The following SYNE2 variants were observed in gnomAD, a reference collection of about 807,000 sequenced individuals.
SYNE2 encodes nesprin-2.
In SYNE2, 431 loss-of-function variants were observed where a neutral mutation model predicts 856.3. The observed-to-expected ratio is 0.50, with a 90% confidence interval of 0.47 to 0.55. The LOEUF is 0.55. Among genes scored for constraint, SYNE2 ranks in the 20% least tolerant of loss-of-function variants. SYNE2 has a pLI of 0.00. For missense variants in SYNE2, 8,129 were observed against 8,023.2 expected, an observed-to-expected ratio of 1.01 and a Z score of -0.50; for synonymous variants, 2,923 against 2,872.3, an observed-to-expected ratio of 1.02 and a Z score of -0.56.
intron 1 of SYNE2, among the ~76,000 whole-genome samples, chr14:63,777,227 A>C (rs927090442): frequency 6.6e-6 from 1 of 152,240 alleles, no homozygotes; most frequent in Non-Finnish European, 1.5e-5. Context: ...GCTATGACAG[A>C]ATACTTTGTT....
rs554027219 is a variant in SYNE2 at position 63,901,956 on chromosome 14, C to T, written c.-51-7142C>T. Among the ~76,000 whole-genome samples the T allele has an allele frequency of 4.6e-5, 7 of 151,834 alleles. No homozygotes were observed. The South Asian group carries it at 1.5e-3, about 32-fold the overall frequency. On this transcript the variant is annotated intron_variant, in intron 1 of 115. Coordinates refer to ENST00000555002, the MANE Select transcript of SYNE2 (RefSeq NM_182914.3). The stretch of plus-strand genomic sequence containing the variant: ...CAACAAACCAAACAAAACCAAAACC[C>T]CCAAATAGCTTATGTCATTGGTAAA...
chr14:63,891,835 T>C (rs1456738042), intron 1 of SYNE2, among the ~76,000 whole-genome samples: 2 of 152,110 alleles, frequency 1.3e-5, no homozygotes, highest in African/African-American at 4.8e-5. Context: ...CCTCTGTTGA[T>C]AAAAGCACGT....
intron 1 of SYNE2, among the ~76,000 whole-genome samples, chr14:63,856,081 A>T (rs756577972): frequency 6.6e-6 from 1 of 152,326 alleles, no homozygotes; most frequent in South Asian, 2.1e-4. Context: ...AAAGGCCTCC[A>T]GGCAGGAAAG....
At chr14:63,985,606 ATCT>A (rs1183698020) in intron 18 of SYNE2, among the ~76,000 whole-genome samples, 1 of 152,180 alleles carries the variant, frequency 6.6e-6, no homozygotes, top group African/African-American at 2.4e-5. Context: ...CTAAACTTTA[ATCT>A]TCTTACATGT....
intron 45 of SYNE2, among the ~76,000 whole-genome samples, chr14:64,042,514 G>A (rs935233404): frequency 2.6e-5 from 4 of 152,268 alleles, no homozygotes; most frequent in East Asian, 1.9e-4. Context: ...CCACAATTCC[G>A]ACATGTCATG....
chr14:63,879,584 A>G (rs2094811003), intron 1 of SYNE2, among the ~76,000 whole-genome samples: 2 of 152,370 alleles, frequency 1.3e-5, no homozygotes, highest in East Asian at 1.9e-4. Flanking sequence ...CTGACTGTTA[A>G]TTGTGCACAG....
intron 1 of SYNE2, among the ~76,000 whole-genome samples, chr14:63,846,612 T>C (rs1453511005): frequency 1.3e-5 from 2 of 151,994 alleles, no homozygotes; most frequent in Admixed American, 6.6e-5. Context: ...TTTGTTTGTT[T>C]TGAGATGGAG....
chr14:64,078,035 G>T (rs1388772924), intron 54 of SYNE2, among the ~76,000 whole-genome samples: 1 of 151,940 alleles, frequency 6.6e-6, no homozygotes. Flanking sequence ...GAGTAAGTTT[G>T]GTTTTACTGA....
intron 1 of SYNE2, among the ~76,000 whole-genome samples, chr14:63,809,207 C>A (rs7143535): frequency 0.63 from 95,818 of 151,306 alleles, 30,755 homozygotes; most frequent in South Asian, 0.75. Context: ...TTAAATAAAG[C>A]GTTTGTGTTC....
chr14:64,092,317 T>G (rs1595461547), intron 60 of SYNE2, among the ~76,000 whole-genome samples: 1 of 152,266 alleles, frequency 6.6e-6, no homozygotes, highest in East Asian at 1.9e-4. Context: ...CTGGTGGCAA[T>G]CAGATGTCCC....
intron 76 of SYNE2, among the ~76,000 whole-genome samples, chr14:64,131,922 T>G (rs1337220630): frequency 6.6e-6 from 1 of 151,362 alleles, no homozygotes. Context: ...AAGACTGAGT[T>G]TTTTTGTTTT....
intron 65 of SYNE2, among the ~76,000 whole-genome samples, chr14:64,110,249 T>G (rs1406799543): frequency 6.6e-6 from 1 of 152,212 alleles, no homozygotes; most frequent in African/African-American, 2.4e-5. Flanking sequence ...GAAAATCAAC[T>G]TGCATTTTAA....
At chr14:63,905,636 T>C (rs1354459424) in intron 1 of SYNE2, among the ~76,000 whole-genome samples, 4 of 152,216 alleles carry the variant, frequency 2.6e-5, no homozygotes, top group African/African-American at 9.6e-5. Context: ...CTAATTTTTG[T>C]ACATTGATTT....
intron 74 of SYNE2, among the ~76,000 whole-genome samples, chr14:64,128,947 C>T (rs1021830122): frequency 5.3e-5 from 8 of 152,230 alleles, no homozygotes; most frequent in African/African-American, 1.9e-4. Flanking sequence ...TGAGGATCCA[C>T]TATGTTCCAG....
At chr14:64,183,020 C>T (rs2098466975) in intron 96 of SYNE2, among the ~76,000 whole-genome samples, 1 of 38,586 alleles carries the variant, frequency 2.6e-5, no homozygotes, top group African/African-American at 5.0e-4. Context: ...GCGGGGGCTG[C>T]CCCCGCCTCC....
In SYNE2 at chr14:64,162,199, T is replaced by G. The variant is rs951864511; in HGVS notation, c.16222T>G (p.Phe5408Val). 1 of 1,614,042 alleles carries G rather than the reference T, an allele frequency of 6.2e-7. No homozygotes were observed. The highest frequency in any genetic ancestry group is 1.3e-5 in the African/African-American group (1 of 74,902). ...AARLKQQEAKFQQLANISMSG... is the reference protein window; with the variant it reads ...AARLKQQEAKVQQLANISMSG... Reference sequence around the variant, plus strand: ...AAGGCTGAAGCAGCAGGAAGCAAAGTTTCAACAGCTCGCAAACATCAGCAT... The same window carrying G: ...AAGGCTGAAGCAGCAGGAAGCAAAGGTTCAACAGCTCGCAAACATCAGCAT... The change falls in exon 88 of 116, where the codon TTT becomes GTT. Residue 5408 changes from phenylalanine to valine, a missense_variant. By Grantham distance (50) the Phe-to-Val change is conservative (BLOSUM62 -1). Around this residue, in one of 3 missense-constraint regions of SYNE2, gnomAD observed 5,410 missense variants for 5,284.8 expected, o/e 1.02. Coordinates refer to ENST00000555002, the MANE Select transcript of SYNE2 (RefSeq NM_182914.3).
chr14:64,017,847 C>T lies in SYNE2; in HGVS notation c.5049+91C>T, dbSNP rs561712362. 50 of 1,279,982 alleles carry T rather than the reference C, an allele frequency of 3.9e-5. No homozygotes were observed. In the African/African-American group the frequency reaches 5.1e-4, roughly 13 times the overall value. 79.3% of individuals were successfully genotyped at this position (1,279,982 alleles called of 1,614,324 possible). Reference sequence around the variant, plus strand: ...TATAGTCAACAAACATTAGGATGCTCATATGTGACTTTGTTATCAAGAAAA... The same window carrying T: ...TATAGTCAACAAACATTAGGATGCTTATATGTGACTTTGTTATCAAGAAAA... On this transcript the variant is annotated intron_variant, in intron 34 of 115. Coordinates refer to ENST00000555002, the MANE Select transcript of SYNE2 (RefSeq NM_182914.3).
intron 2 of SYNE2, among the ~76,000 whole-genome samples, chr14:63,919,646 C>CAGTG (rs1353382574): frequency 1.3e-5 from 2 of 152,028 alleles, no homozygotes; most frequent in Admixed American, 1.3e-4. Flanking sequence ...AAGGAGTAGC[C>CAGTG]AGTGACAAGG....
chr14:63,987,023 G>A (rs1447113808), intron 19 of SYNE2, among the ~76,000 whole-genome samples: 7 of 152,202 alleles, frequency 4.6e-5, no homozygotes, highest in Non-Finnish European at 1.0e-4. Flanking sequence ...GGCGGTTGAA[G>A]TGGGTGGATC....
Sources: gnomAD v4.1 joint callset for allele counts (sites outside exome capture counted in the v4.1 genomes callset) on GRCh38, gnomAD v4.1.1 for gene constraint, gnomAD v4.1.1 regional missense constraint, MANE v1.5 for transcripts, NCBI Gene and HGNC (gene_info 2026-07-23, HGNC 2026-07-21) for gene names.